Variants in DPP4 observed in about 807,000 individuals in gnomAD.
The protein encoded by DPP4 is dipeptidyl peptidase 4, also known as ADCP-2.
Under a neutral mutation model 122.4 loss-of-function variants are expected in DPP4, and 93 were observed. The ratio of observed to expected loss-of-function variants is 0.76; its 90% CI spans 0.64 to 0.90. The LOEUF is 0.90. Ranked by LOEUF, DPP4 falls within the 40% of genes least tolerant of loss-of-function variation. The pLI is 0.00. For missense variants in DPP4, 914 were observed against 907.3 expected (o/e 1.01, Z -0.09); for synonymous variants, 321 against 302.9 (o/e 1.06, Z -0.62).
chr2:162,045,220 A>T (rs1684130125), intron 5 of DPP4, among the ~76,000 whole-genome samples: 1 of 152,124 alleles, frequency 6.6e-6, no homozygotes, highest in African/African-American at 2.4e-5. Context: ...AGGTGTACAA[A>T]TCAGACATGT....
chr2:162,045,409 GAGTTTT>G, intron 5 of DPP4, 117 bp downstream of exon 5: 1 of 677,342 alleles, frequency 1.5e-6, no homozygotes. Flanking sequence ...CTGAATTAAT[GAGTTTT>G]AGTGCCTATT....
At chr2:162,018,969 T>A in intron 15 of DPP4, 119 bp from the exon 16 acceptor site, 1 of 1,138,048 alleles carries the variant, frequency 8.8e-7, no homozygotes, top group Non-Finnish European at 1.2e-6. Flanking sequence ...CTTTAGGACT[T>A]TTTTTTTTTT....
intron 11 of DPP4, 150 bp from the exon 12 acceptor site, chr2:162,022,949 AGT>A (rs1189081482): frequency 1.2e-6 from 1 of 819,960 alleles, no homozygotes. Flanking sequence ...GTATTTTTCA[AGT>A]CATTACATTA....
intron 23 of DPP4, 54 bp from the exon 24 acceptor site, chr2:161,995,426 A>G (rs1700977720): frequency 1.1e-5 from 16 of 1,499,936 alleles, no homozygotes; most frequent in Non-Finnish European, 1.5e-5. Context: ...CCATAAACTG[A>G]TTTTTCACTT....
At chr2:162,031,414 CTTAAAAAGT>C (rs1683546448) in intron 10 of DPP4, among the ~76,000 whole-genome samples, 1 of 152,178 alleles carries the variant, frequency 6.6e-6, no homozygotes, top group Admixed American at 6.5e-5. Context: ...TTTCCAGGTC[CTTAAAAAGT>C]TTATAAACCA....
At chr2:162,015,871 C>A (rs567184061) in intron 18 of DPP4, among the ~76,000 whole-genome samples, 17 of 152,316 alleles carry the variant, frequency 1.1e-4, no homozygotes, top group African/African-American at 3.8e-4. Flanking sequence ...TCTTGCCCCT[C>A]ACGTGTGGCT....
rs202227776 is a variant in DPP4, at chr2:162,046,976, T to C, written c.224A>G (p.Asn75Ser). ...ATATTCAGCATTGAATACCAAGATA[T>C]TATTTTCTTGTTTGTAGAGATATTC... ...DHEYLYKQENNILVFNAEYGN... is the reference protein window; with the variant it reads ...DHEYLYKQENSILVFNAEYGN... The change falls in exon 4 of 26, where the codon AAT becomes AGT. Residue 75 changes from asparagine (N) to serine (S), a missense_variant. Transcript: ENST00000360534. 3.1e-6 allele frequency: 5 copies of C among 1,596,560 alleles called. No homozygotes were observed. The highest frequency in any genetic ancestry group is 4.3e-6 in the Non-Finnish European group (5 of 1,164,648).
intron 11 of DPP4, among the ~76,000 whole-genome samples, chr2:162,023,501 A>G (rs1273278204): frequency 1.2e-4 from 19 of 152,218 alleles, no homozygotes; most frequent in South Asian, 6.2e-4. Flanking sequence ...TAGTTCCTGC[A>G]TGTTCCAAGC....
chr2:162,022,235 C>T (rs1683158615), intron 12 of DPP4, among the ~76,000 whole-genome samples: 1 of 152,170 alleles, frequency 6.6e-6, no homozygotes, highest in South Asian at 2.1e-4. Flanking sequence ...ACCACACTTT[C>T]CTGGATAAAG....
At chr2:162,003,197 T>C (rs558529290) in intron 23 of DPP4, among the ~76,000 whole-genome samples, 91 of 152,286 alleles carry the variant, frequency 6.0e-4, no homozygotes, top group African/African-American at 2.1e-3. Flanking sequence ...CCAGTGTGCG[T>C]GTGTTGCCAT....
chr2:161,997,154 G>A (rs1037000240), intron 23 of DPP4, among the ~76,000 whole-genome samples: 1 of 152,138 alleles, frequency 6.6e-6, no homozygotes, highest in Non-Finnish European at 1.5e-5. Context: ...GTGCAGGCTG[G>A]TTCCCACTTG....
intron 12 of DPP4, among the ~76,000 whole-genome samples, chr2:162,020,962 A>T (rs2106102433): frequency 6.6e-6 from 1 of 152,324 alleles, no homozygotes; most frequent in East Asian, 1.9e-4. Context: ...TGTGATTTGG[A>T]GACATCTTTT....
At chr2:162,049,757 T>C (rs1359348570) in intron 2 of DPP4, among the ~76,000 whole-genome samples, 3 of 152,062 alleles carry the variant, frequency 2.0e-5, no homozygotes, top group African/African-American at 7.2e-5. Context: ...ATAAAGAAAA[T>C]ACAGGTTCAA....
intron 5 of DPP4, among the ~76,000 whole-genome samples, chr2:162,042,167 A>G (rs1684009572): frequency 6.6e-6 from 1 of 152,234 alleles, no homozygotes; most frequent in Non-Finnish European, 1.5e-5. Context: ...ACTGTGTAAC[A>G]TGAAGCAAGT....
At chr2:162,016,724 T>C in intron 18 of DPP4, 44 bp downstream of exon 18, 1 of 1,338,544 alleles carries the variant, frequency 7.5e-7, no homozygotes, top group South Asian at 1.3e-5. Flanking sequence ...TAGAGTGCAT[T>C]GGTGTTTCCA....
In DPP4 at chr2:162,035,156, G is replaced by T; in HGVS notation, c.774+8C>A. On this transcript the variant is annotated splice_region_variant and intron_variant, in intron 9 of 25. Transcript: ENST00000360534. ...TCATGGAACCACTGTACAAACAGGAGCACAGACCTTTGGATATGGAACCCG... is the reference window on the plus strand; with the variant it reads ...TCATGGAACCACTGTACAAACAGGATCACAGACCTTTGGATATGGAACCCG... The T allele has an allele frequency of 6.2e-7, 1 of 1,611,102 alleles. No homozygotes were observed. The highest frequency in any genetic ancestry group is 8.5e-7 in the Non-Finnish European group (1 of 1,178,864).
intron 2 of DPP4, among the ~76,000 whole-genome samples, chr2:162,064,090 T>C (rs1684875408): frequency 6.6e-6 from 1 of 152,192 alleles, no homozygotes; most frequent in Non-Finnish European, 1.5e-5. Flanking sequence ...GAAGTTCTCT[T>C]CTAATGGTTT....
intron 2 of DPP4, among the ~76,000 whole-genome samples, chr2:162,069,921 G>C (rs1352637247): frequency 6.6e-6 from 1 of 152,112 alleles, no homozygotes; most frequent in Non-Finnish European, 1.5e-5. Flanking sequence ...AGCAAAAGAA[G>C]AGATATACTT....
chr2:162,025,177 C>T (rs889957701), intron 10 of DPP4, among the ~76,000 whole-genome samples: 3 of 152,104 alleles, frequency 2.0e-5, no homozygotes, highest in African/African-American at 4.8e-5. Flanking sequence ...CAACAATATT[C>T]TACAGTGGCT....
Sources: allele counts gnomAD v4.1 joint callset (sites outside exome capture counted in the v4.1 genomes callset), GRCh38; gene constraint gnomAD v4.1.1; transcripts MANE v1.5; gene names NCBI Gene and HGNC (gene_info 2026-07-23, HGNC 2026-07-21).